INPP5A: variants seen among roughly 807,000 people sequenced by gnomAD.
The protein encoded by INPP5A is inositol polyphosphate-5-phosphatase A, also known as 43 kDa inositol polyphosphate 5-phophatase.
Under a neutral mutation model 65.2 loss-of-function variants are expected in INPP5A, and 14 were observed. The ratio of observed to expected loss-of-function variants is 0.21; its 90% confidence interval spans 0.14 to 0.34. The LOEUF (loss-of-function observed/expected upper bound fraction) is 0.34, where lower values mean the gene tolerates loss of function less well. INPP5A is among the 10% of genes least tolerant of loss of function. The pLI, the probability that INPP5A is intolerant of heterozygous loss-of-function variation, is 1.00. For missense variants in INPP5A, 431 were observed against 545.6 expected, an observed-to-expected ratio of 0.79 and a Z score of 2.09; for synonymous variants, 207 against 208.3, an observed-to-expected ratio of 0.99 and a Z score of 0.05.
intron 12 of INPP5A, 94 bp from the exon 13 acceptor site, chr10:132,777,577 A>G (rs1247837264): frequency 1.6e-5 from 17 of 1,069,036 alleles, no homozygotes; most frequent in South Asian, 3.0e-5. Context: ...TGGCCATTCT[A>G]AGGTGTATTG....
At position 132,707,950 on chromosome 10, in the gene INPP5A, A is replaced by T. The variant is rs1845564101; in HGVS notation, c.475-363A>T. Reference sequence around the variant, plus strand: ...GCTGCTCAAGTCTTCCCTGTGGTCCAGCCGAGGGCGGCCGTGTGTCTCGAG... The same window carrying T: ...GCTGCTCAAGTCTTCCCTGTGGTCCTGCCGAGGGCGGCCGTGTGTCTCGAG... On this transcript the variant is annotated intron_variant, in intron 6 of 15. Coordinates refer to ENST00000368594, the MANE Select transcript of INPP5A (RefSeq NM_005539.5). The surrounding 1 kb of genome is among the most constrained non-coding windows in gnomAD (Gnocchi z 5.5). 6.6e-6 allele frequency among the ~76,000 whole-genome samples: 1 copy of T among 152,204 alleles called. No individual in the cohort carries two copies.
intron 8 of INPP5A, among the ~76,000 whole-genome samples, chr10:132,725,671 C>G (rs1257344949): frequency 6.6e-6 from 1 of 152,256 alleles, no homozygotes; most frequent in African/African-American, 2.4e-5. Flanking sequence ...CCTGCCCGGG[C>G]TGGCACTCCC....
intron 2 of INPP5A, among the ~76,000 whole-genome samples, chr10:132,629,704 T>C (rs991500442): frequency 2.0e-5 from 3 of 152,198 alleles, no homozygotes; most frequent in Admixed American, 6.5e-5. Flanking sequence ...CACGTGAGCA[T>C]CCATGAGGGG....
At chr10:132,548,194 C>T (rs1251208649) in intron 1 of INPP5A, among the ~76,000 whole-genome samples, 1 of 151,822 alleles carries the variant, frequency 6.6e-6, no homozygotes, top group African/African-American at 2.4e-5. Flanking sequence ...TGTCTTTATT[C>T]GGGTTCTGCT....
intron 3 of INPP5A, 109 bp downstream of exon 3, chr10:132,646,077 C>T (rs974501271): frequency 1.4e-5 from 10 of 709,638 alleles, no homozygotes; most frequent in Admixed American, 4.3e-5. Context: ...TCGGGACTCA[C>T]CTGGGGGTCA....
intron 2 of INPP5A, among the ~76,000 whole-genome samples, chr10:132,639,388 C>T (rs1268886699): frequency 6.6e-6 from 1 of 151,610 alleles, no homozygotes; most frequent in Non-Finnish European, 1.5e-5. Context: ...ATAAGAAATC[C>T]GTGGTAATTT....
chr10:132,602,269 G>A (rs868612304), intron 1 of INPP5A, among the ~76,000 whole-genome samples: 26 of 152,178 alleles, frequency 1.7e-4, no homozygotes, highest in African/African-American at 5.8e-4. Flanking sequence ...TGTTGTTTGT[G>A]TGTTGATCTT....
Position 132,604,001 on chromosome 10 carries a change from T to C in INPP5A, c.76-3914T>C, listed in dbSNP as rs377388786. ...AGGGTCCCCTCTCCGTCCCGCCCTG[T>C]GCCGTCAGGGTCCCCTCTCTGTCCC... On this transcript the variant is annotated intron_variant, in intron 1 of 15. Coordinates refer to ENST00000368594, the MANE Select transcript of INPP5A (RefSeq NM_005539.5). Among the ~76,000 whole-genome samples the C allele has an allele frequency of 3.6e-3, 501 of 138,576 alleles. 3 individuals carry two copies. The highest frequency in any genetic ancestry group is 6.8e-3 in the African/African-American group (250 of 36,604). 90.9% of individuals were successfully genotyped at this position (138,576 alleles called of 152,430 possible).
intron 1 of INPP5A, among the ~76,000 whole-genome samples, chr10:132,601,466 G>A (rs956129230): frequency 6.6e-6 from 1 of 152,172 alleles, no homozygotes; most frequent in African/African-American, 2.4e-5. Context: ...TCATCCTATT[G>A]ATAGTGGCTT....
chr10:132,559,421 G>A (rs1398343571), intron 1 of INPP5A, among the ~76,000 whole-genome samples: 1 of 152,208 alleles, frequency 6.6e-6, no homozygotes, highest in African/African-American at 2.4e-5. Flanking sequence ...TGTTCACAAG[G>A]TCGTGTGACC....
intron 1 of INPP5A, among the ~76,000 whole-genome samples, chr10:132,589,479 G>A (rs1020572112): frequency 5.9e-5 from 9 of 152,256 alleles, no homozygotes; most frequent in African/African-American, 1.9e-4. Flanking sequence ...CGAGGCACTC[G>A]CCCCTCCTGT....
rs1845497166 is a variant in INPP5A at position 132,704,308 on chromosome 10, AC to A, written c.475-4004del. Among the ~76,000 whole-genome samples, 1 of 152,200 alleles carries A rather than the reference AC, an allele frequency of 6.6e-6. No individual in the cohort carries two copies. Among genetic ancestry groups the A allele is most frequent in the South Asian group, 2.1e-4 (1 of 4,830 alleles). On this transcript the variant is annotated intron_variant, in intron 6 of 15. Transcript: ENST00000368594. This position sits in a 1 kb window ranked among gnomAD's most constrained non-coding sequence, Gnocchi z 4.5. ...TTACTGTAGATTTGTCACCAGTCAC[AC>A]GTCCAGCCTTCTCCCATGACAGCCC...
At chr10:132,566,283 C>G (rs1221593949) in intron 1 of INPP5A, among the ~76,000 whole-genome samples, 1 of 152,072 alleles carries the variant, frequency 6.6e-6, no homozygotes, top group Non-Finnish European at 1.5e-5. Flanking sequence ...AAGTTGCTGT[C>G]CCAAAAAAGC....
chr10:132,603,418 C>T lies in INPP5A; in HGVS notation c.76-4497C>T, dbSNP rs558208041. The stretch of plus-strand genomic sequence containing the variant: ...AGAACGCTTGTCCACGTGGAATAAA[C>T]GTCATCCCAGTCTGCAGAGCTCCAG... On this transcript the variant is annotated intron_variant, in intron 1 of 15. Coordinates refer to ENST00000368594, the MANE Select transcript of INPP5A (RefSeq NM_005539.5). The surrounding 1 kb of genome is among the most constrained non-coding windows in gnomAD (Gnocchi z 4.2). Among the ~76,000 whole-genome samples the T allele has an allele frequency of 6.6e-6, 1 of 152,176 alleles. No individual in the cohort carries two copies. The highest frequency in any genetic ancestry group is 1.5e-5 in the Non-Finnish European group (1 of 68,012).
At chr10:132,728,864 G>A (rs1456430075) in intron 9 of INPP5A, among the ~76,000 whole-genome samples, 13 of 152,202 alleles carry the variant, frequency 8.5e-5, no homozygotes, top group Admixed American at 2.6e-4. Flanking sequence ...TGCTGAGCCC[G>A]GTGGCCGGGC....
At chr10:132,576,766 G>A (rs948561840) in intron 1 of INPP5A, among the ~76,000 whole-genome samples, 10 of 152,288 alleles carry the variant, frequency 6.6e-5, no homozygotes, top group African/African-American at 2.4e-4. Context: ...TGCACCCAGC[G>A]TCTTGCCTGT....
chr10:132,636,163 ATG>A (rs59663030), intron 2 of INPP5A, among the ~76,000 whole-genome samples: 94 of 149,714 alleles, frequency 6.3e-4, no homozygotes, highest in African/African-American at 8.6e-4. Flanking sequence ...GATAAACAAA[ATG>A]TGTGTGTGTG....
chr10:132,663,828 C>T lies in INPP5A; in HGVS notation c.306+13323C>T, dbSNP rs565837005. 1.3e-4 allele frequency among the ~76,000 whole-genome samples: 20 copies of T among 152,266 alleles called. No individual in the cohort carries two copies. In the East Asian group the frequency reaches 3.3e-3, roughly 25 times the overall value. ...TTCTGAGCCGTGAGCTGGGCAGGGC[C>T]GCGCTCACATCATTCCTCTCCCCCT... is the stretch of plus-strand genomic sequence containing the variant. On this transcript the variant is annotated intron_variant, in intron 4 of 15. Coordinates refer to ENST00000368594, the MANE Select transcript of INPP5A (RefSeq NM_005539.5). The surrounding 1 kb of genome is among the most constrained non-coding windows in gnomAD (Gnocchi z 4.5).
chr10:132,574,521 C>T (rs181624403), intron 1 of INPP5A, among the ~76,000 whole-genome samples: 4 of 151,334 alleles, frequency 2.6e-5, no homozygotes, highest in South Asian at 2.1e-4. Flanking sequence ...GTGTGAGGGC[C>T]GGCCTTGTTT....
Sources: gnomAD v4.1 joint callset for allele counts (sites outside exome capture counted in the v4.1 genomes callset) on GRCh38, gnomAD v4.1.1 for gene constraint, Gnocchi (gnomAD v3.1) non-coding constraint, MANE v1.5 for transcripts, NCBI Gene and HGNC (gene_info 2026-07-23, HGNC 2026-07-21) for gene names.